The following IGSF11 variants were observed in gnomAD, a reference collection of about 807,000 sequenced individuals.
IGSF11 encodes immunoglobulin superfamily member 11, also known as CXADR like 1.
A neutral mutation model predicts 41.0 loss-of-function variants in IGSF11; 22 were observed. The observed-to-expected ratio is 0.54, with a 90% CI of 0.38 to 0.77. IGSF11 has a LOEUF of 0.77. Among genes scored for constraint, IGSF11 ranks in the 30% least tolerant of loss-of-function variants. The pLI, the probability that IGSF11 is intolerant of heterozygous loss-of-function variation, is 0.00. For synonymous variants in IGSF11, 219 were observed against 201.3 expected (o/e 1.09, Z -0.74); for missense variants, 444 against 530.8 (o/e 0.84, Z 1.61).
At chr3:118,910,887 C>T (rs66601488) in intron 4 of IGSF11, among the ~76,000 whole-genome samples, 33,756 of 152,022 alleles carry the variant, frequency 0.22, 5,995 homozygotes, top group African/African-American at 0.48. Flanking sequence ...CTTTTCCCTA[C>T]AAAGTTCTTC....
chr3:119,139,331 C>T (rs1398452578), intron 1 of IGSF11, among the ~76,000 whole-genome samples: 1 of 152,196 alleles, frequency 6.6e-6, no homozygotes, highest in East Asian at 1.9e-4. Flanking sequence ...TAAAGAGCAA[C>T]AGTAAAGATA....
At chr3:119,078,118 C>T (rs979709369) in intron 1 of IGSF11, among the ~76,000 whole-genome samples, 1 of 152,138 alleles carries the variant, frequency 6.6e-6, no homozygotes, top group African/African-American at 2.4e-5. Context: ...AGATTTAATA[C>T]TATTCCTATC....
intron 1 of IGSF11, among the ~76,000 whole-genome samples, chr3:119,122,035 T>C (rs1576826362): frequency 6.6e-6 from 1 of 152,274 alleles, no homozygotes; most frequent in East Asian, 1.9e-4. Context: ...GTCCCTCATG[T>C]AGGAACATCA....
At chr3:118,914,322 T>C (rs9824063) in intron 4 of IGSF11, among the ~76,000 whole-genome samples, 1 of 150,676 alleles carries the variant, frequency 6.6e-6, no homozygotes, top group East Asian at 2.0e-4. Flanking sequence ...GACGGGTGAT[T>C]TCTGCATTTC....
At chr3:119,102,794 C>T (rs763545910) in intron 1 of IGSF11, among the ~76,000 whole-genome samples, 3 of 151,950 alleles carry the variant, frequency 2.0e-5, no homozygotes, top group Non-Finnish European at 4.4e-5. Context: ...AGTTTTCTTT[C>T]GGCTTCTTCC....
intron 1 of IGSF11, among the ~76,000 whole-genome samples, chr3:119,135,454 A>G (rs550482871): frequency 7.9e-5 from 12 of 152,372 alleles, no homozygotes; most frequent in Non-Finnish European, 1.3e-4. Flanking sequence ...CAACAGACAC[A>G]TGAAAAAATG....
chr3:118,935,440 A>ATG (rs1352511627), intron 1 of IGSF11, among the ~76,000 whole-genome samples: 5 of 147,862 alleles, frequency 3.4e-5, no homozygotes. Flanking sequence ...ACGTATGTAT[A>ATG]TGTGTGTGTG....
At chr3:118,990,839 T>C (rs1215486524) in intron 1 of IGSF11, among the ~76,000 whole-genome samples, 3 of 152,176 alleles carry the variant, frequency 2.0e-5, no homozygotes, top group East Asian at 1.9e-4. Flanking sequence ...ATCCTGTGGG[T>C]TCAGGGAATC....
chr3:118,903,276 AAT>A (rs1297754884), intron 6 of IGSF11, among the ~76,000 whole-genome samples: 1 of 152,100 alleles, frequency 6.6e-6, no homozygotes, highest in Non-Finnish European at 1.5e-5. Context: ...CATTCACATA[AAT>A]ATGTTTATAT....
intron 1 of IGSF11, among the ~76,000 whole-genome samples, chr3:119,111,157 G>C (rs1285574380): frequency 1.3e-5 from 2 of 152,154 alleles, no homozygotes; most frequent in Non-Finnish European, 2.9e-5. Context: ...GATTGGGGAA[G>C]TTCTCCTGGA....
At chr3:119,091,089 A>G (rs2076753969) in intron 1 of IGSF11, among the ~76,000 whole-genome samples, 1 of 152,248 alleles carries the variant, frequency 6.6e-6, no homozygotes, top group South Asian at 2.1e-4. Flanking sequence ...CAAGTGGCCA[A>G]AAAACATGAA....
rs77722510 is a variant in IGSF11, at chr3:119,142,488, A to G, written c.-14+3325T>C. On this transcript the variant is annotated intron_variant, in intron 1 of 7. Coordinates refer to the IGSF11 transcript ENST00000425327. ...CACAGATATTGGACCAAAACTTTAA[A>G]TCAACTGTCTTAAAAATGTTCAAAG... is the stretch of plus-strand genomic sequence containing the variant. 2.9e-3 allele frequency among the ~76,000 whole-genome samples: 434 copies of G among 152,268 alleles called. 1 individual carries two copies. The highest frequency in any genetic ancestry group is 0.01 in the African/African-American group (418 of 41,554).
intron 1 of IGSF11, among the ~76,000 whole-genome samples, chr3:119,142,084 A>G (rs555641118): frequency 1.9e-4 from 29 of 152,066 alleles, no homozygotes; most frequent in Non-Finnish European, 4.0e-4. Context: ...AACCATCCTG[A>G]CTAACACGGT....
intron 1 of IGSF11, among the ~76,000 whole-genome samples, chr3:118,957,293 C>G (rs940906284): frequency 6.6e-6 from 1 of 152,252 alleles, no homozygotes; most frequent in South Asian, 2.1e-4. Flanking sequence ...TACTCAAATG[C>G]TAATCTCAGC....
At chr3:118,941,289 C>G (rs547403234) in intron 1 of IGSF11, among the ~76,000 whole-genome samples, 3 of 152,168 alleles carry the variant, frequency 2.0e-5, no homozygotes, top group African/African-American at 7.2e-5. Context: ...ACAAAACAAA[C>G]AGTCCAATTT....
chr3:119,108,068 C>G (rs961912791), upstream of IGSF11, among the ~76,000 whole-genome samples: 19 of 150,602 alleles, frequency 1.3e-4, no homozygotes, highest in Admixed American at 4.6e-4. Flanking sequence ...CTTGGCAATG[C>G]GGGCTCTTTT....
Position 119,143,162 on chromosome 3 carries a change from T to A in IGSF11, c.-14+2651A>T, listed in dbSNP as rs533306022. ...ATATGAAGAAATAAAAAAATACTGG[T>A]TTTGGTATCTATATAGGTGATTTAA... is the stretch of plus-strand genomic sequence containing the variant. On this transcript the variant is annotated intron_variant, in intron 1 of 7. Transcript: ENST00000425327. Among the ~76,000 whole-genome samples, 14 of 152,262 alleles carry A rather than the reference T, an allele frequency of 9.2e-5. 1 individual carries two copies. Among genetic ancestry groups the A allele is most frequent in the African/African-American group, 3.1e-4 (13 of 41,566 alleles).
chr3:119,059,202 CA>C (rs1372480660), intron 1 of IGSF11, among the ~76,000 whole-genome samples: 2 of 151,336 alleles, frequency 1.3e-5, no homozygotes, highest in African/African-American at 4.9e-5. Flanking sequence ...CACACACACA[CA>C]CACACCACAC....
At chr3:118,945,725 C>T (rs1036820642) in intron 1 of IGSF11, 2 of 152,044 alleles carry the variant, frequency 1.3e-5, no homozygotes, top group Non-Finnish European at 2.9e-5. Flanking sequence ...GCTTTTCTTA[C>T]CTCATATCAG....
Sources: gnomAD v4.1 joint callset for allele counts (sites outside exome capture counted in the v4.1 genomes callset) on GRCh38, gnomAD v4.1.1 for gene constraint, MANE v1.5 for transcripts, NCBI Gene and HGNC (gene_info 2026-07-23, HGNC 2026-07-21) for gene names.